TNNT2: variants seen among roughly 807,000 people sequenced by gnomAD.
TNNT2 encodes troponin T2, cardiac type.
A neutral mutation model predicts 62.4 loss-of-function variants in TNNT2; 34 were observed. The ratio of observed to expected loss-of-function variants is 0.54; its 90% CI spans 0.41 to 0.72. The LOEUF is 0.72. TNNT2 is among the 30% of genes least tolerant of loss of function. TNNT2 has a pLI of 0.00. For synonymous variants in TNNT2, 123 were observed against 127.2 expected, an observed-to-expected ratio of 0.97 and a Z score of 0.22; for missense variants, 275 against 381.9, an observed-to-expected ratio of 0.72 and a Z score of 2.33.
chr1:201,362,090 AC>A (rs764035657), intron 13 of TNNT2, 68 bp from the exon 14 acceptor site: 62 of 1,527,866 alleles, frequency 4.1e-5, no homozygotes, highest in Non-Finnish European at 5.2e-5. Context: ...CCCTCCCCAA[AC>A]CCCCTGGGGG....
At chr1:201,369,731 CCCCCAGAACAGGG>C (rs1660321091) in intron 5 of TNNT2, 72 bp downstream of exon 5, 1 of 1,570,716 alleles carries the variant, frequency 6.4e-7, no homozygotes, top group Non-Finnish European at 8.8e-7. Flanking sequence ...CACCCCCCAG[CCCCCAGAACAGGG>C]CCCCTGGACA....
intron 1 of TNNT2, chr1:201,374,993 C>T (rs1661187067): frequency 6.6e-6 from 1 of 152,620 alleles, no homozygotes; most frequent in Non-Finnish European, 1.5e-5. Context: ...CTGCCCCACT[C>T]ACGCGTGCCA....
chr1:201,367,077 A>C, intron 7 of TNNT2: 1 of 746,678 alleles, frequency 1.3e-6, no homozygotes, highest in Non-Finnish European at 2.3e-6. Flanking sequence ...CCTCCCATAG[A>C]GTTCTGCAGG....
At chr1:201,367,542 G>T in intron 7 of TNNT2, 2 of 629,292 alleles carry the variant, frequency 3.2e-6, no homozygotes, top group Non-Finnish European at 5.7e-6. Context: ...GCTGGACAAT[G>T]GTCCCCTCTC....
chr1:201,366,541 C>A, intron 8 of TNNT2: 1 of 1,301,082 alleles, frequency 7.7e-7, no homozygotes, highest in Non-Finnish European at 9.8e-7. Flanking sequence ...GGAGGGTGTT[C>A]TGGCCATACT....
intron 15 of TNNT2, chr1:201,360,632 G>A (rs1014908347): frequency 1.3e-5 from 2 of 155,692 alleles, no homozygotes; most frequent in African/African-American, 4.8e-5. Flanking sequence ...AGGGAGGAGT[G>A]GTTTGGCAGG....
intron 13 of TNNT2, 162 bp from the exon 14 acceptor site, chr1:201,362,184 A>T: frequency 8.5e-7 from 1 of 1,177,482 alleles, no homozygotes; most frequent in African/African-American, 1.5e-5. Context: ...TGTATTCCCT[A>T]GGGAAACTGA....
Position 201,361,299 on chromosome 1 carries a change from A to C in TNNT2, c.790T>G (p.Phe264Val). The C allele has an allele frequency of 6.2e-7, 1 of 1,613,894 alleles. No homozygotes were observed. Among genetic ancestry groups the C allele is most frequent in the South Asian group, 1.1e-5 (1 of 91,066 alleles). Residue 264 changes from phenylalanine to valine, a missense_variant, in exon 15 of 17, where the codon TTC becomes GTC. Coordinates refer to ENST00000656932, the MANE Select transcript of TNNT2 (RefSeq NM_001276345.2). ...CCCACCTCATATTTCTGCTGCTTGA[A>C]CTTCTCCTGCAGGTCGAACTTCTCT... ...EAEKFDLQEK[F>V]KQQKYEINVL...
chr1:201,367,670 G>T, intron 7 of TNNT2, 101 bp downstream of exon 7: 1 of 1,319,194 alleles, frequency 7.6e-7, no homozygotes, highest in Non-Finnish European at 1.1e-6. Context: ...CCCTCTCAGT[G>T]CACATCCACT....
chr1:201,377,606 C>T lies in TNNT2; in HGVS notation c.-15+17G>A, dbSNP rs924166432. Reference sequence around the variant, plus strand: ...TTCTCTGCTCTCCTCTTCCCCAGAGCCCTGCCCGAGCCTTACCTCAGAACA... The same window carrying T: ...TTCTCTGCTCTCCTCTTCCCCAGAGTCCTGCCCGAGCCTTACCTCAGAACA... On this transcript the variant is annotated intron_variant, in intron 1 of 16. Coordinates refer to ENST00000656932, the MANE Select transcript of TNNT2 (RefSeq NM_001276345.2). The T allele has an allele frequency of 6.6e-6, 3 of 456,170 alleles. No homozygotes were observed. The highest frequency in any genetic ancestry group is 6.0e-5 in the African/African-American group (3 of 50,076). The allele number at this position is 456,170 out of a possible 1,614,324, so 28.3% of individuals were successfully genotyped here.
At chr1:201,367,499 T>C (rs920629668) in intron 7 of TNNT2, 22 of 586,426 alleles carry the variant, frequency 3.8e-5, no homozygotes, top group Non-Finnish European at 6.1e-6. Context: ...TGGATATGAC[T>C]TCTGGGTCCC....
At chr1:201,365,907 T>A (rs1380745438) in intron 8 of TNNT2, 2 of 1,375,480 alleles carry the variant, frequency 1.5e-6, no homozygotes, top group Non-Finnish European at 1.9e-6. Flanking sequence ...GATATGCCCA[T>A]GAAGTGGGTA....
chr1:201,370,872 T>C (rs1660517677), intron 4 of TNNT2, among the ~76,000 whole-genome samples: 1 of 152,256 alleles, frequency 6.6e-6, no homozygotes, highest in Non-Finnish European at 1.5e-5. Flanking sequence ...CAAGAGTCTG[T>C]TCAGGGAACA....
intron 13 of TNNT2, 63 bp downstream of exon 13, chr1:201,362,322 TC>T (rs1264056314): frequency 1.2e-6 from 2 of 1,601,722 alleles, no homozygotes; most frequent in African/African-American, 2.7e-5. Context: ...CAAGGCGCCT[TC>T]CCCTCCCAGG....
chr1:201,370,921 A>G (rs975443314), intron 4 of TNNT2, among the ~76,000 whole-genome samples: 1 of 152,242 alleles, frequency 6.6e-6, no homozygotes, highest in African/African-American at 2.4e-5. Flanking sequence ...TTATTCAAAA[A>G]TATATTTCTG....
At chr1:201,361,199 C>T in intron 15 of TNNT2, 80 bp downstream of exon 15, 1 of 1,375,946 alleles carries the variant, frequency 7.3e-7, no homozygotes, top group Non-Finnish European at 1.0e-6. Context: ...ACCCAGGGAC[C>T]TGCAGCAGTA....
At chr1:201,367,099 C>T (rs902199489) in intron 7 of TNNT2, 46 of 670,124 alleles carry the variant, frequency 6.9e-5, no homozygotes, top group Middle Eastern at 4.9e-4. Context: ...CACACACTCA[C>T]GCAGTGTGGA....
chr1:201,369,866 G>T (rs370335515), intron 4 of TNNT2, 21 bp from the exon 5 acceptor site: 1 of 1,613,970 alleles, frequency 6.2e-7, no homozygotes, highest in African/African-American at 1.3e-5. Flanking sequence ...GGGAGTGGCC[G>T]CAGCGGAGGG....
At position 201,361,432 on chromosome 1, in the gene TNNT2, C is replaced by A. The variant is rs151323663; in HGVS notation, c.720-63G>T. 1.8e-4 allele frequency: 267 copies of A among 1,449,882 alleles called. 1 individual carries two copies. The African/African-American group carries it at 3.4e-3, about 18-fold the overall frequency. The allele number at this position is 1,449,882 out of a possible 1,614,324, so 89.8% of individuals were successfully genotyped here. ...GAAAGGGCCCTCCTGGGCCTCCGTC[C>A]TGGTCCCGGCCCAGCCCCCAGCATC... On this transcript the variant is annotated intron_variant, in intron 14 of 16. Transcript: ENST00000656932.
Sources: allele counts gnomAD v4.1 joint callset (sites outside exome capture counted in the v4.1 genomes callset), GRCh38; gene constraint gnomAD v4.1.1; transcripts MANE v1.5; gene names NCBI Gene and HGNC (gene_info 2026-07-23, HGNC 2026-07-21).